Variants in REXO1 observed in about 807,000 individuals in gnomAD.
The protein encoded by REXO1 is RNA exonuclease 1 homolog.
Under a neutral mutation model 102.6 loss-of-function variants are expected in REXO1, and 42 were observed. The ratio of observed to expected loss-of-function variants is 0.41; its 90% CI spans 0.32 to 0.53. REXO1 has a LOEUF of 0.53. Ranked by LOEUF, REXO1 falls within the 20% of genes least tolerant of loss-of-function variation. The pLI is 0.27. For synonymous variants in REXO1, 908 were observed against 779.1 expected (o/e 1.17, Z -2.76); for missense variants, 1,819 against 1,732.5 (o/e 1.05, Z -0.89).
At position 1,826,665 on chromosome 19, in the gene REXO1, G is replaced by A. The variant is rs1449358362; in HGVS notation, c.1911+213C>T. ...GCCTGGCTGGTGGCCACGGGCCAGT[G>A]ACCTCTGGGTGGGTGAGGGGCAACA... On this transcript the variant is annotated intron_variant, in intron 2 of 15. Transcript: ENST00000170168. This position sits in a 1 kb window ranked among gnomAD's most constrained non-coding sequence, Gnocchi z 4.3. Among the ~76,000 whole-genome samples, 1 of 146,968 alleles carries A rather than the reference G, an allele frequency of 6.8e-6. No homozygotes were observed. The highest frequency in any genetic ancestry group is 1.5e-5 in the Non-Finnish European group (1 of 67,482).
intron 5 of REXO1, among the ~76,000 whole-genome samples, chr19:1,820,999 C>CA (rs530711349): frequency 0.01 from 1,128 of 110,308 alleles, 6 homozygotes; most frequent in African/African-American, 0.032. Context: ...TGTCTCTAAA[C>CA]AAAAAAAAAA....
chr19:1,836,095 C>G (rs1425766951), intron 1 of REXO1, among the ~76,000 whole-genome samples: 11 of 152,206 alleles, frequency 7.2e-5, no homozygotes, highest in Admixed American at 7.2e-4. Context: ...TCCCTTGGCC[C>G]AGAAACCCCT....
intron 1 of REXO1, among the ~76,000 whole-genome samples, chr19:1,840,006 G>A (rs964839002): frequency 2.0e-5 from 3 of 152,198 alleles, no homozygotes; most frequent in Admixed American, 1.3e-4. Flanking sequence ...GCCACTGTGA[G>A]AGGAGGAGGG....
rs763553710 is a variant in REXO1 at position 1,828,140 on chromosome 19, G to A, written c.649C>T (p.Pro217Ser). Reference sequence around the variant, plus strand: ...TTGTCCACCACGTACTTGCCACTGGGAACGGGGCGGCTGTGCCGCCGGGGC... The same window carrying A: ...TTGTCCACCACGTACTTGCCACTGGAAACGGGGCGGCTGTGCCGCCGGGGC... Reference protein sequence around the residue: ...SQPRRHSRPVPSGKYVVDNSR... With the variant: ...SQPRRHSRPVSSGKYVVDNSR... The change falls in exon 2 of 16, where the codon CCC (proline) becomes TCC (serine). Residue 217 changes from proline to serine, a missense_variant. Transcript: ENST00000170168. The A allele has an allele frequency of 1.2e-6, 2 of 1,611,714 alleles. No homozygotes were observed. Among genetic ancestry groups the A allele is most frequent in the East Asian group, 2.2e-5 (1 of 44,852 alleles).
chr19:1,818,145 G>C (rs971670264), intron 10 of REXO1, among the ~76,000 whole-genome samples: 2 of 152,212 alleles, frequency 1.3e-5, no homozygotes, highest in African/African-American at 4.8e-5. Context: ...AGAACCACCA[G>C]GCCAAGGGTG....
chr19:1,833,644 C>T (rs1429210463), intron 1 of REXO1, among the ~76,000 whole-genome samples: 3 of 152,326 alleles, frequency 2.0e-5, no homozygotes, highest in African/African-American at 7.2e-5. Flanking sequence ...CCAGCAGCAG[C>T]TCAAGGGCGC....
At position 1,848,315 on chromosome 19, in the gene REXO1, T is replaced by C; in HGVS notation, c.44A>G (p.Tyr15Cys). Residue 15 changes from tyrosine to cysteine, a missense_variant, in exon 1 of 16, where the codon TAT becomes TGT. By Grantham distance (194) the Tyr-to-Cys change is radical. Coordinates refer to ENST00000170168, the MANE Select transcript of REXO1 (RefSeq NM_020695.4). ...TGFFRAIDCPYWSGAPGGPCR... is the reference protein window; with the variant it reads ...TGFFRAIDCPCWSGAPGGPCR... ...GGGCCCCCCGGGCGCCCCAGACCAA[T>C]AGGGGCAGTCAATGGCCCGGAAGAA... 4 of 1,226,582 alleles carry C rather than the reference T, an allele frequency of 3.3e-6. No individual in the cohort carries two copies. The highest frequency in any genetic ancestry group is 3.1e-6 in the Non-Finnish European group (3 of 977,682). 76.0% of individuals were successfully genotyped at this position (1,226,582 alleles called of 1,614,324 possible).
At chr19:1,832,538 G>C (rs1354978432) in intron 1 of REXO1, among the ~76,000 whole-genome samples, 3 of 152,210 alleles carry the variant, frequency 2.0e-5, no homozygotes, top group Admixed American at 1.3e-4. Context: ...CCTTTCCCTT[G>C]AAATCACAGC....
At chr19:1,828,738 G>A (rs1000958299) in intron 1 of REXO1, 107 bp from the exon 2 acceptor site, 4 of 1,363,586 alleles carry the variant, frequency 2.9e-6, no homozygotes, top group African/African-American at 2.9e-5. Context: ...ACCTGCCTCC[G>A]AAACCCACCA....
In REXO1 at chr19:1,816,826, G is replaced by T; in HGVS notation, c.3202-13C>A. 6.3e-7 allele frequency: 1 copy of T among 1,593,936 alleles called. No homozygotes were observed. The highest frequency in any genetic ancestry group is 8.6e-7 in the Non-Finnish European group (1 of 1,163,238). On this transcript the variant is annotated splice_polypyrimidine_tract_variant and intron_variant, in intron 12 of 15. Transcript: ENST00000170168. ...ATGTGGTGTAGGACTGCGGGCAAGG[G>T]ATGCACCTCAGATGTGTCCCAGGCA...
chr19:1,820,002 A>G lies in REXO1; in HGVS notation c.2582T>C (p.Leu861Pro). ...CTTGAGGGTGTTCACGGCCACATTC[A>G]GGTAGATGTTCTTGCTGGGGCTGCG... Reference protein sequence around the residue: ...YDRSPSKNIYLNVAVNTLKKL... With the variant: ...YDRSPSKNIYPNVAVNTLKKL... Residue 861 changes from leucine to proline, a missense_variant, in exon 7 of 16, where the codon CTG becomes CCG. Transcript: ENST00000170168. 2 of 1,599,716 alleles carry G rather than the reference A, an allele frequency of 1.3e-6. No homozygotes were observed. Among genetic ancestry groups the G allele is most frequent in the Non-Finnish European group, 1.7e-6 (2 of 1,175,962 alleles).
rs372789493 is a variant in REXO1, at chr19:1,835,837, G to A, written c.158-7206C>T. Among the ~76,000 whole-genome samples the A allele has an allele frequency of 1.8e-4, 28 of 152,226 alleles. 1 individual carries two copies. The highest frequency in any genetic ancestry group is 5.5e-4 in the African/African-American group (23 of 41,528). On this transcript the variant is annotated intron_variant, in intron 1 of 15. Transcript: ENST00000170168. ...CCCAGTGGTCCTGAGAGGCCACAAC[G>A]CCTGGCTGGCTATCTTCCCCAGCCT...
intron 1 of REXO1, among the ~76,000 whole-genome samples, chr19:1,845,107 G>A (rs964886339): frequency 1.3e-5 from 2 of 152,184 alleles, no homozygotes; most frequent in East Asian, 1.9e-4. Flanking sequence ...GGTCAGATGG[G>A]AGGAAGGTGG....
At chr19:1,818,437 CG>C in intron 10 of REXO1, 44 bp downstream of exon 10, 1 of 1,464,254 alleles carries the variant, frequency 6.8e-7, no homozygotes, top group Non-Finnish European at 9.3e-7. Context: ...GCCCAGGTTC[CG>C]GGGGCCATGG....
intron 1 of REXO1, among the ~76,000 whole-genome samples, chr19:1,833,969 G>A (rs2069972625): frequency 1.3e-5 from 2 of 152,190 alleles, no homozygotes; most frequent in South Asian, 2.1e-4. Context: ...CCCGCCTAAC[G>A]GGAAGGCTCT....
intron 1 of REXO1, among the ~76,000 whole-genome samples, chr19:1,831,862 A>G (rs1334353160): frequency 7.1e-5 from 4 of 56,296 alleles, no homozygotes; most frequent in Admixed American, 1.7e-4. Context: ...AAAAAAAAAA[A>G]AAAAAGAAAG....
rs1225203862 is a variant in REXO1, at chr19:1,828,318, G to C, written c.471C>G (p.Gly157=). 1 of 1,609,750 alleles carries C rather than the reference G, an allele frequency of 6.2e-7. No individual in the cohort carries two copies. The highest frequency in any genetic ancestry group is 1.1e-5 in the South Asian group (1 of 90,782). ...GGTAGCCGGCATCAGGGCTTAATAG[G>C]CCGTGGCTGCCGGGGCTGTAGTCGA... is the stretch of plus-strand genomic sequence containing the variant. The part of the protein sequence containing the change: ...LAFDYSPGSH[G]LLSPDAGYQP... The change falls in exon 2 of 16, where the codon GGC becomes GGG. Residue 157 remains glycine (G), a synonymous_variant. Coordinates refer to ENST00000170168, the MANE Select transcript of REXO1 (RefSeq NM_020695.4).
chr19:1,825,315 AAAAAAAAC>A (rs1452446105), intron 3 of REXO1, among the ~76,000 whole-genome samples: 9 of 142,026 alleles, frequency 6.3e-5, no homozygotes, highest in Non-Finnish European at 3.0e-5. Flanking sequence ...AAAAAAAAAA[AAAAAAAAC>A]AACCAAAAAA....
chr19:1,816,842 G>A (rs778910154), intron 12 of REXO1, 29 bp from the exon 13 acceptor site: 24 of 1,529,168 alleles, frequency 1.6e-5, no homozygotes, highest in Non-Finnish European at 2.2e-5. Flanking sequence ...CCTCAGATGT[G>A]TCCCAGGCAC....
Sources: allele counts gnomAD v4.1 joint callset (sites outside exome capture counted in the v4.1 genomes callset), GRCh38; gene constraint gnomAD v4.1.1; non-coding constraint Gnocchi (gnomAD v3.1); transcripts MANE v1.5; gene names NCBI Gene and HGNC (gene_info 2026-07-23, HGNC 2026-07-21).